FREM2: variants seen among roughly 807,000 people sequenced by gnomAD.
The protein encoded by FREM2 is FRAS1-related extracellular matrix protein 2.
Under a neutral mutation model 219.9 loss-of-function variants are expected in FREM2, and 119 were observed. The ratio of observed to expected loss-of-function variants is 0.54; its 90% confidence interval spans 0.47 to 0.63. The LOEUF (loss-of-function observed/expected upper bound fraction) is 0.63. Ranked by LOEUF, FREM2 falls within the 30% of genes least tolerant of loss-of-function variation. The pLI is 0.00. For synonymous variants in FREM2, 1,562 were observed against 1,522.8 expected (o/e 1.03, Z -0.60); for missense variants, 4,030 against 3,993.6 (o/e 1.01, Z -0.25).
At chr13:38,700,676 C>T (rs1005899912) in intron 2 of FREM2, among the ~76,000 whole-genome samples, 10 of 151,998 alleles carry the variant, frequency 6.6e-5, no homozygotes, top group African/African-American at 1.9e-4. Context: ...AGTAACTTTC[C>T]TCCTTCAAGC....
intron 6 of FREM2, among the ~76,000 whole-genome samples, chr13:38,830,553 T>TA (rs1263016317): frequency 2.0e-5 from 3 of 152,226 alleles, no homozygotes; most frequent in Non-Finnish European, 4.4e-5. Flanking sequence ...AATTCCAGCT[T>TA]AAAAATCAGC....
chr13:38,839,740 G>GC (rs1466117825), intron 6 of FREM2, among the ~76,000 whole-genome samples: 2 of 152,212 alleles, frequency 1.3e-5, no homozygotes, highest in East Asian at 3.9e-4. Flanking sequence ...CTTCCTGGAG[G>GC]CTTTTTTTAC....
intron 2 of FREM2, among the ~76,000 whole-genome samples, chr13:38,745,376 C>T (rs1872423181): frequency 6.6e-6 from 1 of 152,096 alleles, no homozygotes; most frequent in Admixed American, 6.6e-5. Flanking sequence ...ATAAACTTTA[C>T]TTGAACTTCT....
rs909690039 is a variant in FREM2, at chr13:38,885,464, G to A, written c.*4677G>A. 6.6e-6 allele frequency: 1 copy of A among 152,084 alleles called. No individual in the cohort carries two copies. The highest frequency in any genetic ancestry group is 2.4e-5 in the African/African-American group (1 of 41,438). The allele number at this position is 152,084 out of a possible 1,614,324, so 9.4% of individuals were successfully genotyped here. On this transcript the variant is annotated 3_prime_UTR_variant, in exon 24 of 24. Transcript: ENST00000280481. ...GCTAAAGAACAATAACAACAACAAA[G>A]CTGGTCCAGCCCTGACACCTACTTT...
chr13:38,858,935 C>T (rs1328586052), intron 13 of FREM2, among the ~76,000 whole-genome samples: 1 of 142,550 alleles, frequency 7.0e-6, no homozygotes, highest in Non-Finnish European at 1.5e-5. Flanking sequence ...AAAGAAGAAT[C>T]AGCCGAGTTC....
At chr13:38,859,916 G>A (rs2137921057) in intron 14 of FREM2, among the ~76,000 whole-genome samples, 1 of 152,258 alleles carries the variant, frequency 6.6e-6, no homozygotes, top group Non-Finnish European at 1.5e-5. Flanking sequence ...GAATGCACAG[G>A]TAGAAGTGAT....
At chr13:38,787,057 A>G (rs1456970346) in intron 6 of FREM2, among the ~76,000 whole-genome samples, 2 of 152,194 alleles carry the variant, frequency 1.3e-5, no homozygotes, top group African/African-American at 2.4e-5. Flanking sequence ...GTGTCTTATC[A>G]GAGCTTCACA....
chr13:38,756,947 A>G (rs1252667389), intron 2 of FREM2, among the ~76,000 whole-genome samples: 2 of 152,170 alleles, frequency 1.3e-5, no homozygotes, highest in South Asian at 2.1e-4. Context: ...TTACAGCATG[A>G]GAGCTGAAAC....
At chr13:38,875,668 A>G (rs143004284) in intron 18 of FREM2, among the ~76,000 whole-genome samples, 37 of 152,360 alleles carry the variant, frequency 2.4e-4, no homozygotes, top group African/African-American at 8.9e-4. Context: ...CAATAAATGC[A>G]TTCACATCAC....
At chr13:38,857,593 A>C (rs1877607291) in intron 12 of FREM2, among the ~76,000 whole-genome samples, 1 of 152,164 alleles carries the variant, frequency 6.6e-6, no homozygotes. Flanking sequence ...GGAGAAAAAA[A>C]AATAAATTAG....
Position 38,883,938 on chromosome 13 carries a change from G to C in FREM2, c.*3151G>C, listed in dbSNP as rs1435062157. Reference sequence around the variant, plus strand: ...ATTGACCTTCGCAAAACCTCACTGGGGGAGTGCCTTGTAGAGCTGTGGGTG... The same window carrying C: ...ATTGACCTTCGCAAAACCTCACTGGCGGAGTGCCTTGTAGAGCTGTGGGTG... On this transcript the variant is annotated 3_prime_UTR_variant, in exon 24 of 24. Coordinates refer to ENST00000280481, the MANE Select transcript of FREM2 (RefSeq NM_207361.6). 1 of 152,118 alleles carries C rather than the reference G, an allele frequency of 6.6e-6. No homozygotes were observed. Among genetic ancestry groups the C allele is most frequent in the African/African-American group, 2.4e-5 (1 of 41,416 alleles). 9.4% of individuals were successfully genotyped at this position (152,118 alleles called of 1,614,324 possible).
At chr13:38,796,762 C>G (rs1874804975) in intron 6 of FREM2, among the ~76,000 whole-genome samples, 1 of 152,090 alleles carries the variant, frequency 6.6e-6, no homozygotes, top group Non-Finnish European at 1.5e-5. Context: ...ATATAGGTAT[C>G]TTTTTCTTTG....
intron 1 of FREM2, among the ~76,000 whole-genome samples, chr13:38,696,126 A>G (rs1013212898): frequency 6.6e-6 from 1 of 152,140 alleles, no homozygotes; most frequent in African/African-American, 2.4e-5. Context: ...AGACCCACAT[A>G]TCTATATTTT....
At chr13:38,833,563 C>T (rs992460270) in intron 6 of FREM2, among the ~76,000 whole-genome samples, 1 of 152,112 alleles carries the variant, frequency 6.6e-6, no homozygotes, top group Non-Finnish European at 1.5e-5. Context: ...CCATTTATAA[C>T]CTCCTTACTG....
intron 4 of FREM2, among the ~76,000 whole-genome samples, chr13:38,772,615 G>A (rs17058588): frequency 0.058 from 8,833 of 152,132 alleles, 828 homozygotes; most frequent in African/African-American, 0.2. Flanking sequence ...ATGTTTACAG[G>A]AGGCTTTCAA....
chr13:38,875,966 T>C (rs1878323774), intron 18 of FREM2, 56 bp from the exon 19 acceptor site: 12 of 1,467,070 alleles, frequency 8.2e-6, no homozygotes, highest in Non-Finnish European at 1.1e-5. Flanking sequence ...TAAACTGTTA[T>C]GCACTCTTTT....
In FREM2 at chr13:38,690,797, T is replaced by G; in HGVS notation, c.3453T>G (p.Ser1151Arg). 1 of 1,614,156 alleles carries G rather than the reference T, an allele frequency of 6.2e-7. No homozygotes were observed. ...AGGGCCACATAAACTATGTCCAGAG[T>G]GTCCATAAAGGGGTGGAACCTGTGG... ...LRQGHINYVQ[S>R]VHKGVEPVED... The change falls in exon 1 of 24, where the codon AGT becomes AGG. Residue 1151 changes from serine to arginine, a missense_variant. By Grantham distance (110) the Ser-to-Arg change is moderately radical. Transcript: ENST00000280481.
At chr13:38,834,063 G>A (rs1348260566) in intron 6 of FREM2, among the ~76,000 whole-genome samples, 1 of 152,098 alleles carries the variant, frequency 6.6e-6, no homozygotes, top group African/African-American at 2.4e-5. Flanking sequence ...TACATGTGCA[G>A]AACGTGCTAG....
chr13:38,692,241 G>T lies in FREM2; in HGVS notation c.4897G>T (p.Asp1633Tyr), dbSNP rs776357642. 1 of 1,614,148 alleles carries T rather than the reference G, an allele frequency of 6.2e-7. No homozygotes were observed. Reference protein sequence around the residue: ...GTHTDFYVFPDTVFETRRPQV... With the variant: ...GTHTDFYVFPYTVFETRRPQV... ...CCATACAGACTTCTATGTTTTTCCTGATACGGTGTTTGAAACAAGGAGACC... is the reference window on the plus strand; with the variant it reads ...CCATACAGACTTCTATGTTTTTCCTTATACGGTGTTTGAAACAAGGAGACC... Residue 1633 changes from aspartate to tyrosine, a missense_variant, in exon 1 of 24, where the codon GAT becomes TAT. Around this residue, in one of 2 missense-constraint regions of FREM2, gnomAD observed 3,102 missense variants for 2,950.7 expected, o/e 1.05. Transcript: ENST00000280481.
Sources: gnomAD v4.1 joint callset for allele counts (sites outside exome capture counted in the v4.1 genomes callset) on GRCh38, gnomAD v4.1.1 for gene constraint, gnomAD v4.1.1 regional missense constraint, MANE v1.5 for transcripts, NCBI Gene and HGNC (gene_info 2026-07-23, HGNC 2026-07-21) for gene names.